Variants in ZNF880 observed in about 807,000 individuals in gnomAD.
ZNF880 encodes the protein zinc finger protein LOC400713.
A neutral mutation model predicts 11.8 loss-of-function variants in ZNF880; 12 were observed. That is an observed-to-expected ratio of 1.02 (90% CI 0.65 to 1.65). ZNF880 has a LOEUF of 1.65. ZNF880 is among the 40% of genes most tolerant of loss of function. The pLI, the probability that ZNF880 is intolerant of heterozygous loss-of-function variation, is 0.00. For missense variants in ZNF880, 601 were observed against 673.9 expected, an observed-to-expected ratio of 0.89 and a Z score of 1.20; for synonymous variants, 210 against 232.4, an observed-to-expected ratio of 0.90 and a Z score of 0.88.
At position 52,383,836 on chromosome 19, in the gene ZNF880, C is replaced by CT. The variant is rs1986770571; in HGVS notation, c.269-10dup. On this transcript the variant is annotated splice_polypyrimidine_tract_variant and intron_variant, in intron 3 of 3. Transcript: ENST00000422689. Reference sequence around the variant, plus strand: ...TCATGGGTTGAAGTTCCACTTTTTTCTTTCTTTTTTAGAGAGCAGCTCTAA... The same window carrying CT: ...TCATGGGTTGAAGTTCCACTTTTTTCTTTTCTTTTTTAGAGAGCAGCTCTAA... 1.3e-6 allele frequency: 2 copies of CT among 1,509,218 alleles called. No homozygotes were observed. Among genetic ancestry groups the CT allele is most frequent in the Non-Finnish European group, 1.8e-6 (2 of 1,131,356 alleles). 93.5% of individuals were successfully genotyped at this position (1,509,218 alleles called of 1,614,324 possible).
the ZNF880 span, among the ~76,000 whole-genome samples, chr19:52,393,899 C>A: frequency 7.2e-6 from 1 of 138,218 alleles, no homozygotes; most frequent in Admixed American, 7.9e-5. Context: ...TGCAGTGGCG[C>A]GATCTCAGCT....
chr19:52,373,122 A>T lies in ZNF880; in HGVS notation c.24A>T (p.Ala8=), dbSNP rs374062914. 1.9e-6 allele frequency: 3 copies of T among 1,613,098 alleles called. No individual in the cohort carries two copies. The highest frequency in any genetic ancestry group is 2.5e-6 in the Non-Finnish European group (3 of 1,179,422). ...GTTTTTCATTTTAGGGACACTTGGC[A>T]TTCAGGGACGTGGCCATAGAATTCC... MLRRGHL[A]FRDVAIEFPQ... Residue 8 remains alanine (A), a synonymous_variant, in exon 2 of 4, where the codon GCA becomes GCT. Coordinates refer to ENST00000422689, the MANE Select transcript of ZNF880 (RefSeq NM_001145434.2).
At chr19:52,379,296 G>C in intron 3 of ZNF880, 1 of 358,526 alleles carries the variant, frequency 2.8e-6, no homozygotes, top group Non-Finnish European at 5.4e-6. Context: ...GGAATGGGTA[G>C]TATAAATATT....
In ZNF880 at chr19:52,374,520, A is replaced by C. The variant is rs764113515; in HGVS notation, c.268+93A>C. 4 of 1,461,166 alleles carry C rather than the reference A, an allele frequency of 2.7e-6. No individual in the cohort carries two copies. In the South Asian group the frequency reaches 4.9e-5, roughly 18 times the overall value. The allele number at this position is 1,461,166 out of a possible 1,614,324, so 90.5% of individuals were successfully genotyped here. On this transcript the variant is annotated intron_variant, in intron 3 of 3. Transcript: ENST00000422689. ...GTCACCCAGGCTGTCGTAGAGTGGC[A>C]ATCATCAGTGGCAATCGTGGCTTAA...
At chr19:52,379,515 C>T in intron 3 of ZNF880, 1 of 444,550 alleles carries the variant, frequency 2.2e-6, no homozygotes, top group Non-Finnish European at 4.5e-6. Context: ...TCTGCATCGG[C>T]CTCCCCAAGT....
chr19:52,388,518 C>T (rs138913285), downstream of ZNF880, among the ~76,000 whole-genome samples: 642 of 151,720 alleles, frequency 4.2e-3, 10 homozygotes, highest in East Asian at 0.064. Context: ...CCTCGTGATC[C>T]ACCCGCCTCA....
At chr19:52,395,685 A>G in the ZNF880 span, 1 of 152,232 alleles carries the variant, frequency 6.6e-6, no homozygotes, top group Non-Finnish European at 1.5e-5. Flanking sequence ...CTTGCATCAC[A>G]GCTGTGGGAG....
intron 1 of ZNF880, chr19:52,370,541 C>T (rs535766623): frequency 2.0e-5 from 3 of 153,746 alleles, no homozygotes; most frequent in African/African-American, 7.2e-5. Flanking sequence ...TCCATCTTCT[C>T]CGGAGGCCCA....
chr19:52,381,757 T>C (rs1281063430), intron 3 of ZNF880, among the ~76,000 whole-genome samples: 1 of 152,170 alleles, frequency 6.6e-6, no homozygotes, highest in African/African-American at 2.4e-5. Flanking sequence ...AGATTTTCTC[T>C]TTGTGGTTAG....
At chr19:52,377,831 T>C (rs1287971301) in intron 3 of ZNF880, among the ~76,000 whole-genome samples, 1 of 152,112 alleles carries the variant, frequency 6.6e-6, no homozygotes, top group Non-Finnish European at 1.5e-5. Context: ...CGTGACCCCA[T>C]AGTTCAGGGA....
upstream of ZNF880, among the ~76,000 whole-genome samples, chr19:52,369,575 C>T (rs1191206311): frequency 2.6e-5 from 4 of 152,050 alleles, no homozygotes; most frequent in Admixed American, 1.3e-4. Context: ...AGGTTTCTCT[C>T]TCATGCCCAG....
the ZNF880 span, among the ~76,000 whole-genome samples, chr19:52,393,343 G>T: frequency 6.6e-6 from 1 of 151,970 alleles, no homozygotes; most frequent in African/African-American, 2.4e-5. Context: ...AAAGGGCTGG[G>T]ATTACAGGTG....
At chr19:52,396,826 CGGCA>C in the ZNF880 span, 1 of 150,868 alleles carries the variant, frequency 6.6e-6, no homozygotes, top group Admixed American at 6.7e-5. Flanking sequence ...CACAGCTACT[CGGCA>C]GGCTGAGACA....
upstream of ZNF880, among the ~76,000 whole-genome samples, chr19:52,368,994 AAAAAAAGTT>A (rs1240507245): frequency 6.6e-6 from 1 of 150,760 alleles, no homozygotes; most frequent in East Asian, 1.9e-4. Context: ...AAAAAAAAAA[AAAAAAAGTT>A]GTGACCTGAG....
chr19:52,394,972 T>C, the ZNF880 span: 1 of 152,372 alleles, frequency 6.6e-6, no homozygotes, highest in Non-Finnish European at 1.5e-5. Flanking sequence ...ACTTTGACCA[T>C]ATAATTCAGG....
chr19:52,384,925 T>G lies in ZNF880; in HGVS notation c.1345T>G (p.Leu449Val). ...KECAKVFRHRLSLSNHQRFHT... is the reference protein window; with the variant it reads ...KECAKVFRHRVSLSNHQRFHT... ...ATGTGCCAAGGTCTTCAGGCATAGATTATCCCTAAGCAATCATCAGAGATT... is the reference window on the plus strand; with the variant it reads ...ATGTGCCAAGGTCTTCAGGCATAGAGTATCCCTAAGCAATCATCAGAGATT... The change falls in exon 4 of 4, where the codon TTA becomes GTA. Residue 449 changes from leucine (L) to valine (V), a missense_variant. Physicochemically the swap from Leu to Val is conservative, Grantham distance 32 (BLOSUM62 1). Around this residue, in one of 3 missense-constraint regions of ZNF880, gnomAD observed 177 missense variants for 214.5 expected, o/e 0.83. Transcript: ENST00000422689. 1 of 1,593,606 alleles carries G rather than the reference T, an allele frequency of 6.3e-7. No individual in the cohort carries two copies. Among genetic ancestry groups the G allele is most frequent in the Non-Finnish European group, 8.6e-7 (1 of 1,168,800 alleles).
At chr19:52,368,322 A>C (rs1012829115), upstream of ZNF880, among the ~76,000 whole-genome samples, 1 of 152,080 alleles carries the variant, frequency 6.6e-6, no homozygotes, top group Non-Finnish European at 1.5e-5. Context: ...CACACACAGA[A>C]AGGGAATTTT....
At chr19:52,368,686 AT>A (rs764761845), upstream of ZNF880, among the ~76,000 whole-genome samples, 47 of 152,212 alleles carry the variant, frequency 3.1e-4, no homozygotes, top group Non-Finnish European at 5.6e-4. Context: ...ATATTTTTAT[AT>A]TTTTTGTATG....
intron 2 of ZNF880, 114 bp downstream of exon 2, chr19:52,373,351 CTGT>C (rs371718482): frequency 4.5e-6 from 5 of 1,103,048 alleles, no homozygotes; most frequent in African/African-American, 3.2e-5. Flanking sequence ...GATTGAAACC[CTGT>C]TGACTCAGAA....
Sources: gnomAD v4.1 joint callset for allele counts (sites outside exome capture counted in the v4.1 genomes callset) on GRCh38, gnomAD v4.1.1 for gene constraint, gnomAD v4.1.1 regional missense constraint, MANE v1.5 for transcripts, NCBI Gene and HGNC (gene_info 2026-07-23, HGNC 2026-07-21) for gene names.